DOCK10: variants seen among roughly 807,000 people sequenced by gnomAD.
DOCK10 encodes the protein dedicator of cytokinesis protein 10.
DOCK10 carries 145 observed loss-of-function variants against 280.1 expected under a neutral mutation model. The observed-to-expected ratio is 0.52, with a 90% CI of 0.45 to 0.59. DOCK10 has a LOEUF of 0.59. Ranked by LOEUF, DOCK10 falls within the 20% of genes least tolerant of loss-of-function variation. The pLI is 0.00. For synonymous variants in DOCK10, 915 were observed against 942.2 expected (o/e 0.97, Z 0.53); for missense variants, 2,368 against 2,651.7 (o/e 0.89, Z 2.35).
At chr2:224,926,306 G>T (rs1702041896) in intron 2 of DOCK10, among the ~76,000 whole-genome samples, 1 of 152,218 alleles carries the variant, frequency 6.6e-6, no homozygotes, top group Non-Finnish European at 1.5e-5. Flanking sequence ...GAATGCCTAT[G>T]AATCAGACAT....
At chr2:225,002,960 C>A (rs16866450) in intron 1 of DOCK10, among the ~76,000 whole-genome samples, 8,197 of 152,242 alleles carry the variant, frequency 0.054, 343 homozygotes, top group African/African-American at 0.11. Flanking sequence ...ACAGCAAGAA[C>A]CGAGAAATGA....
intron 1 of DOCK10, among the ~76,000 whole-genome samples, chr2:225,025,220 A>G (rs892559595): frequency 3.3e-5 from 5 of 152,202 alleles, no homozygotes; most frequent in Admixed American, 2.6e-4. Flanking sequence ...ATCGTGAAGG[A>G]GTCCTGTAGG....
intron 3 of DOCK10, among the ~76,000 whole-genome samples, chr2:224,898,151 A>C (rs749868849): frequency 1.4e-4 from 22 of 152,182 alleles, no homozygotes; most frequent in Admixed American, 7.2e-4. Context: ...GGCCTAGTGC[A>C]CATCATAGAA....
intron 1 of DOCK10, among the ~76,000 whole-genome samples, chr2:224,972,606 T>G (rs1705155035): frequency 6.6e-6 from 1 of 152,210 alleles, no homozygotes; most frequent in Non-Finnish European, 1.5e-5. Flanking sequence ...CTATTCTCCA[T>G]CTCTAAATTA....
intron 3 of DOCK10, among the ~76,000 whole-genome samples, chr2:224,907,948 A>G (rs969350735): frequency 6.6e-6 from 1 of 152,224 alleles, no homozygotes; most frequent in African/African-American, 2.4e-5. Flanking sequence ...AAATGGACAG[A>G]ATTTCTACAT....
chr2:224,804,347 T>C (rs542364105), intron 38 of DOCK10, 134 bp from the exon 39 acceptor site: 1 of 559,964 alleles, frequency 1.8e-6, no homozygotes, highest in South Asian at 2.6e-5. Context: ...AATAAAACCC[T>C]GTTTTCTTTC....
chr2:224,820,105 T>G (rs1054896575), intron 28 of DOCK10, among the ~76,000 whole-genome samples: 1 of 152,222 alleles, frequency 6.6e-6, no homozygotes, highest in Non-Finnish European at 1.5e-5. Context: ...TAAATCTCAC[T>G]GGCCCCTTTT....
intron 1 of DOCK10, among the ~76,000 whole-genome samples, chr2:225,032,555 G>T (rs1416005954): frequency 6.6e-6 from 1 of 152,076 alleles, no homozygotes; most frequent in East Asian, 1.9e-4. Flanking sequence ...CTTTGAATGT[G>T]TCCAATTTTT....
intron 7 of DOCK10, among the ~76,000 whole-genome samples, chr2:224,883,460 T>C (rs1041275508): frequency 2.6e-5 from 4 of 152,216 alleles, no homozygotes; most frequent in African/African-American, 4.8e-5. Context: ...TTTCCCATAA[T>C]GGAATGTCTA....
chr2:224,820,002 A>G (rs555400643), intron 28 of DOCK10, among the ~76,000 whole-genome samples: 3 of 152,244 alleles, frequency 2.0e-5, no homozygotes, highest in East Asian at 3.9e-4. Flanking sequence ...TTTTCTTTTA[A>G]TAATTCCATT....
chr2:224,982,245 C>T (rs534319044), intron 1 of DOCK10: 1 of 1,231,966 alleles, frequency 8.1e-7, no homozygotes, highest in South Asian at 4.1e-5. Flanking sequence ...ATTTCATCGT[C>T]ACTTTCCAGA....
rs761097705 is a variant in DOCK10, at chr2:224,778,193, A to G, written c.5747T>C (p.Leu1916Pro). ...GTCTGCTCCAAATTTATCTGCATAG[A>G]GCTTGAGTAATCTTTGGGAAATCTC... is the stretch of plus-strand genomic sequence containing the variant. ...LSEISQRLLKLYADKFGADNV... is the reference protein window; with the variant it reads ...LSEISQRLLKPYADKFGADNV... Residue 1916 changes from leucine to proline, a missense_variant, in exon 51 of 56, where the codon CTC (leucine) becomes CCC (proline). Transcript: ENST00000258390. 1.9e-6 allele frequency: 3 copies of G among 1,613,382 alleles called. No homozygotes were observed. Among genetic ancestry groups the G allele is most frequent in the Non-Finnish European group, 2.5e-6 (3 of 1,179,536 alleles).
chr2:224,892,893 G>C (rs1699782102), intron 4 of DOCK10, among the ~76,000 whole-genome samples: 1 of 152,214 alleles, frequency 6.6e-6, no homozygotes, highest in African/African-American at 2.4e-5. Context: ...TGTCTGTGGG[G>C]CTACTATGCA....
At position 224,824,429 on chromosome 2, in the gene DOCK10, C is replaced by CTTTTTTTTTT. The variant is rs869275800; in HGVS notation, c.3037-792_3037-783dup. Among the ~76,000 whole-genome samples the CTTTTTTTTTT allele has an allele frequency of 1.1e-4, 7 of 63,602 alleles. 1 individual carries two copies. The highest frequency in any genetic ancestry group is 1.5e-4 in the African/African-American group (2 of 13,754). The allele number at this position is 63,602 out of a possible 152,430, so 41.7% of individuals were successfully genotyped here. On this transcript the variant is annotated intron_variant, in intron 27 of 55. Coordinates refer to ENST00000258390, the MANE Select transcript of DOCK10 (RefSeq NM_014689.3). ...CCGAGTTCTTCCATCTCAGACTCTG[C>CTTTTTTTTTT]TTTTTTTTTTTTTTTTTTTTTTTTG...
chr2:224,999,053 G>GGTAT (rs1052782100), intron 1 of DOCK10, among the ~76,000 whole-genome samples: 18 of 152,056 alleles, frequency 1.2e-4, no homozygotes, highest in Non-Finnish European at 2.2e-4. Context: ...TGGGTGTGAT[G>GGTAT]GTATACACCT....
At chr2:225,021,181 C>T (rs1475559230) in intron 1 of DOCK10, among the ~76,000 whole-genome samples, 1 of 152,146 alleles carries the variant, frequency 6.6e-6, no homozygotes, top group Non-Finnish European at 1.5e-5. Flanking sequence ...GCCCATGTCC[C>T]AAGGACATTT....
At chr2:224,905,539 G>T (rs901613860) in intron 3 of DOCK10, among the ~76,000 whole-genome samples, 40 of 152,008 alleles carry the variant, frequency 2.6e-4, no homozygotes, top group African/African-American at 9.6e-4. Flanking sequence ...GTGAGCCACC[G>T]CGCCCGGCCT....
At chr2:224,940,233 C>A (rs958644910) in intron 1 of DOCK10, among the ~76,000 whole-genome samples, 8 of 152,184 alleles carry the variant, frequency 5.3e-5, no homozygotes, top group African/African-American at 2.4e-5. Flanking sequence ...ACCCATTTCC[C>A]ACTGTTCTGA....
chr2:224,818,106 C>A (rs1322089140), intron 29 of DOCK10, among the ~76,000 whole-genome samples: 1 of 152,320 alleles, frequency 6.6e-6, no homozygotes, highest in African/African-American at 2.4e-5. Context: ...TCAGTTGATT[C>A]ATTTAAGCAG....
Sources: gnomAD v4.1 joint callset for allele counts (sites outside exome capture counted in the v4.1 genomes callset) on GRCh38, gnomAD v4.1.1 for gene constraint, MANE v1.5 for transcripts, NCBI Gene and HGNC (gene_info 2026-07-23, HGNC 2026-07-21) for gene names.